The following VRK1 variants were observed in gnomAD, a reference collection of about 807,000 sequenced individuals.
The protein encoded by VRK1 is VRK serine/threonine kinase 1.
Under a neutral mutation model 57.1 loss-of-function variants are expected in VRK1, and 33 were observed. The ratio of observed to expected loss-of-function variants is 0.58; its 90% CI spans 0.44 to 0.77. VRK1 has a LOEUF of 0.77. VRK1 is among the 30% of genes least tolerant of loss of function. The pLI is 0.00. For synonymous variants in VRK1, 137 were observed against 147.8 expected, an observed-to-expected ratio of 0.93 and a Z score of 0.53; for missense variants, 413 against 477.3, an observed-to-expected ratio of 0.87 and a Z score of 1.25.
At chr14:96,819,968 T>G (rs1284896026) in intron 1 of VRK1, among the ~76,000 whole-genome samples, 1 of 152,082 alleles carries the variant, frequency 6.6e-6, no homozygotes, top group African/African-American at 2.4e-5. Flanking sequence ...ATTTGCTGAG[T>G]GTACTTCTCA....
At position 96,881,442 on chromosome 14, in the gene VRK1, C is replaced by G. The variant is rs533760532; in HGVS notation, c.*234C>G. 53 of 440,046 alleles carry G rather than the reference C, an allele frequency of 1.2e-4. No homozygotes were observed. The highest frequency in any genetic ancestry group is 4.2e-4 in the Admixed American group (11 of 25,974). The allele number at this position is 440,046 out of a possible 1,614,324, so 27.3% of individuals were successfully genotyped here. A position where few individuals can be genotyped will look rare whatever the true frequency, so the allele number is the denominator to read the frequency against. On this transcript the variant is annotated 3_prime_UTR_variant, in exon 13 of 13. Transcript: ENST00000216639. ...TTATACTCCTTAAGTTATCCCAAAGCCGTGTGTTTGTGATGTTTTGGAGTA... is the reference window on the plus strand; with the variant it reads ...TTATACTCCTTAAGTTATCCCAAAGGCGTGTGTTTGTGATGTTTTGGAGTA...
At chr14:96,799,869 A>G (rs1351584832) in intron 1 of VRK1, among the ~76,000 whole-genome samples, 1 of 152,052 alleles carries the variant, frequency 6.6e-6, no homozygotes, top group African/African-American at 2.4e-5. Flanking sequence ...TTTACAAGGA[A>G]TTGTGCTAGG....
chr14:96,856,267 G>C lies in VRK1; in HGVS notation c.830+17G>C, dbSNP rs1477913596. On this transcript the variant is annotated intron_variant, in intron 9 of 12. Coordinates refer to ENST00000216639, the MANE Select transcript of VRK1 (RefSeq NM_003384.3). ...CAAAATTAGGTAAAGGAAAACTTAA[G>C]TTATTTCTAGCAAAATCATGATAAG... 1 of 1,611,208 alleles carries C rather than the reference G, an allele frequency of 6.2e-7. No individual in the cohort carries two copies. Among genetic ancestry groups the C allele is most frequent in the South Asian group, 1.1e-5 (1 of 90,870 alleles).
At chr14:96,829,939 T>C (rs187291396) in intron 1 of VRK1, among the ~76,000 whole-genome samples, 1 of 152,200 alleles carries the variant, frequency 6.6e-6, no homozygotes, top group African/African-American at 2.4e-5. Context: ...TAGTAGATTC[T>C]TATTGCTGTT....
chr14:96,878,958 G>A (rs1204338112), intron 12 of VRK1, among the ~76,000 whole-genome samples: 6 of 152,066 alleles, frequency 3.9e-5, no homozygotes, highest in African/African-American at 1.2e-4. Flanking sequence ...TAAAATGGAG[G>A]CTACTTTTGT....
chr14:96,862,512 T>TC (rs996608103), intron 11 of VRK1, among the ~76,000 whole-genome samples: 14 of 20,204 alleles, frequency 6.9e-4, no homozygotes, highest in African/African-American at 2.7e-3. Context: ...TTTTGTTAGC[T>TC]TTTTTTTTTT....
intron 12 of VRK1, among the ~76,000 whole-genome samples, chr14:96,879,593 T>C (rs977187731): frequency 2.6e-5 from 4 of 152,154 alleles, no homozygotes; most frequent in African/African-American, 7.2e-5. Flanking sequence ...CCAGTCTCAC[T>C]ATCGCAGCAT....
At chr14:96,813,071 G>A (rs904730200) in intron 1 of VRK1, among the ~76,000 whole-genome samples, 3 of 152,204 alleles carry the variant, frequency 2.0e-5, no homozygotes, top group Non-Finnish European at 2.9e-5. Flanking sequence ...TGGCAGATAT[G>A]TTAGATTGAA....
At chr14:96,877,312 A>G (rs1889080547) in intron 12 of VRK1, 3 of 327,248 alleles carry the variant, frequency 9.2e-6, no homozygotes, top group Admixed American at 8.0e-5. Context: ...ATTACATATT[A>G]TGGTTAGAAC....
chr14:96,822,986 C>G (rs756873041), intron 1 of VRK1, among the ~76,000 whole-genome samples: 2 of 152,166 alleles, frequency 1.3e-5, no homozygotes, highest in African/African-American at 4.8e-5. Context: ...CAACTCGTCC[C>G]TCTGCCTATA....
At chr14:96,843,056 T>C (rs903340622) in intron 3 of VRK1, among the ~76,000 whole-genome samples, 2 of 152,206 alleles carry the variant, frequency 1.3e-5, no homozygotes. Context: ...CCATTCAAGG[T>C]AGATGTTAGG....
intron 5 of VRK1, among the ~76,000 whole-genome samples, chr14:96,848,958 A>G (rs1410526499): frequency 6.6e-6 from 1 of 152,230 alleles, no homozygotes; most frequent in East Asian, 1.9e-4. Flanking sequence ...ACGTGAGCAC[A>G]GGCAGGATAG....
rs764145279 is a variant in VRK1 at position 96,833,526 on chromosome 14, C to T, written c.55C>T (p.Leu19Phe). The change falls in exon 2 of 13, where the codon CTT (leucine) becomes TTT (phenylalanine). Residue 19 changes from leucine to phenylalanine, a missense_variant. This residue lies in a region of VRK1 where 116 missense variants were observed against 113.6 expected (regional missense o/e 1.02). Transcript: ENST00000216639. ...AGRQSSAKRHLAEQFAVGEII... is the reference protein window; with the variant it reads ...AGRQSSAKRHFAEQFAVGEII... Reference sequence around the variant, plus strand: ...AAGACAGAGCTCTGCAAAGAGACATCTTGCAGAACAATTTGCAGTTGGAGA... The same window carrying T: ...AAGACAGAGCTCTGCAAAGAGACATTTTGCAGAACAATTTGCAGTTGGAGA... The T allele has an allele frequency of 6.2e-7, 1 of 1,613,806 alleles. No homozygotes were observed. Among genetic ancestry groups the T allele is most frequent in the African/African-American group, 1.3e-5 (1 of 75,028 alleles).
At chr14:96,823,687 A>G (rs1166123970) in intron 1 of VRK1, among the ~76,000 whole-genome samples, 1 of 152,220 alleles carries the variant, frequency 6.6e-6, no homozygotes, top group Non-Finnish European at 1.5e-5. Context: ...CAGTAGCGTT[A>G]AGTGTATTCA....
chr14:96,867,136 C>T (rs559406007), intron 11 of VRK1, among the ~76,000 whole-genome samples: 66 of 152,054 alleles, frequency 4.3e-4, no homozygotes, highest in African/African-American at 1.4e-3. Flanking sequence ...ATGAGTCTAA[C>T]GTATTTTGTG....
At chr14:96,800,536 CT>C (rs1487387557) in intron 1 of VRK1, among the ~76,000 whole-genome samples, 1 of 152,134 alleles carries the variant, frequency 6.6e-6, no homozygotes, top group Admixed American at 6.5e-5. Flanking sequence ...AACTGCTCTA[CT>C]TTTACCAACA....
chr14:96,873,091 G>A (rs1304302250), intron 11 of VRK1, among the ~76,000 whole-genome samples: 2 of 152,158 alleles, frequency 1.3e-5, no homozygotes, highest in African/African-American at 4.8e-5. Flanking sequence ...CACTGCCCGA[G>A]TACGCATCTC....
intron 1 of VRK1, among the ~76,000 whole-genome samples, chr14:96,828,199 A>G (rs996986937): frequency 6.6e-6 from 1 of 152,226 alleles, no homozygotes; most frequent in Non-Finnish European, 1.5e-5. Flanking sequence ...TGTTGTGAAT[A>G]AAGCTGTTAT....
At chr14:96,852,497 A>G (rs763949406) in intron 5 of VRK1, among the ~76,000 whole-genome samples, 2 of 152,194 alleles carry the variant, frequency 1.3e-5, no homozygotes, top group Non-Finnish European at 1.5e-5. Flanking sequence ...AACTATGAGA[A>G]AAATCAATGC....
Sources: allele counts gnomAD v4.1 joint callset (sites outside exome capture counted in the v4.1 genomes callset), GRCh38; gene constraint gnomAD v4.1.1; regional missense constraint gnomAD v4.1.1; transcripts MANE v1.5; gene names NCBI Gene and HGNC (gene_info 2026-07-23, HGNC 2026-07-21).